Variants in ANKRD28 observed in about 807,000 individuals in gnomAD.
ANKRD28 encodes the protein serine/threonine-protein phosphatase 6 regulatory ankyrin repeat subunit A.
In ANKRD28, 44 loss-of-function variants were observed where a neutral mutation model predicts 126.5. The observed-to-expected ratio is 0.35, with a 90% CI of 0.27 to 0.45. ANKRD28 has a LOEUF of 0.45. Among genes scored for constraint, ANKRD28 ranks in the 20% least tolerant of loss-of-function variants. ANKRD28 has a pLI of 1.00. For missense variants in ANKRD28, 1,110 were observed against 1,316.6 expected, an observed-to-expected ratio of 0.84 and a Z score of 2.43; for synonymous variants, 442 against 468.5, an observed-to-expected ratio of 0.94 and a Z score of 0.73.
intron 4 of ANKRD28, among the ~76,000 whole-genome samples, chr3:15,746,611 T>TGGC (rs2057492735): frequency 6.6e-6 from 1 of 152,332 alleles, no homozygotes; most frequent in East Asian, 1.9e-4. Flanking sequence ...TGGATTTGGT[T>TGGC]TGCCAGTATT....
At chr3:15,744,331 T>A (rs1489742846) in intron 4 of ANKRD28, among the ~76,000 whole-genome samples, 1 of 152,196 alleles carries the variant, frequency 6.6e-6, no homozygotes, top group Non-Finnish European at 1.5e-5. Flanking sequence ...CTTTTTTTTT[T>A]AGATAGAGTT....
upstream of ANKRD28, among the ~76,000 whole-genome samples, chr3:15,800,200 T>C (rs192215699): frequency 6.6e-6 from 1 of 152,132 alleles, no homozygotes; most frequent in Admixed American, 6.5e-5. Flanking sequence ...GACACTTATA[T>C]AAGAAAAAAA....
chr3:15,773,645 G>C (rs961454835), intron 2 of ANKRD28, among the ~76,000 whole-genome samples: 1 of 152,008 alleles, frequency 6.6e-6, no homozygotes, highest in Non-Finnish European at 1.5e-5. Context: ...TTCAAGATTT[G>C]TATGCTGAAA....
chr3:15,856,832 A>G (rs918519384), intron 1 of ANKRD28, among the ~76,000 whole-genome samples: 3 of 152,250 alleles, frequency 2.0e-5, no homozygotes, highest in African/African-American at 7.2e-5. Context: ...GCTTATATGT[A>G]TTAAACTGTA....
intron 1 of ANKRD28, among the ~76,000 whole-genome samples, chr3:15,835,942 A>G (rs985428370): frequency 6.6e-6 from 1 of 152,226 alleles, no homozygotes; most frequent in Non-Finnish European, 1.5e-5. Flanking sequence ...AAGGCTGTAT[A>G]AATATAACTT....
chr3:15,799,092 G>A (rs1022123240), upstream of ANKRD28, among the ~76,000 whole-genome samples: 1 of 151,982 alleles, frequency 6.6e-6, no homozygotes, highest in Admixed American at 6.6e-5. Flanking sequence ...AATCTATTCT[G>A]CTATCACTGA....
At position 15,814,098 on chromosome 3, in the gene ANKRD28, G is replaced by A; in HGVS notation, c.28-18792C>T. 9.0e-6 allele frequency: 2 copies of A among 221,296 alleles called. No individual in the cohort carries two copies. The highest frequency in any genetic ancestry group is 1.7e-5 in the Non-Finnish European group (2 of 119,946). 13.7% of individuals were successfully genotyped at this position (221,296 alleles called of 1,614,324 possible). ...CTACTATAAATGTTTCTACAATAAA[G>A]GACTTTTTGGCTGACACTAACTATT... is the stretch of plus-strand genomic sequence containing the variant. On this transcript the variant is annotated intron_variant, in intron 1 of 27. Coordinates refer to the ANKRD28 transcript ENST00000399451. This position sits in a 1 kb window ranked among gnomAD's most constrained non-coding sequence, Gnocchi z 4.7.
chr3:15,742,495 G>A (rs1210839994), intron 4 of ANKRD28, among the ~76,000 whole-genome samples: 2 of 137,980 alleles, frequency 1.4e-5, no homozygotes, highest in Admixed American at 7.1e-5. Flanking sequence ...GAGACCCTCC[G>A]CCTGGCAACC....
intron 9 of ANKRD28, 131 bp from the exon 10 acceptor site, chr3:15,713,772 C>G: frequency 2.0e-6 from 1 of 498,642 alleles, no homozygotes; most frequent in Non-Finnish European, 3.5e-6. Flanking sequence ...AGATTTCATT[C>G]ATAGCTCATT....
intron 3 of ANKRD28, among the ~76,000 whole-genome samples, chr3:15,753,594 A>G (rs2057990872): frequency 6.6e-6 from 1 of 152,232 alleles, no homozygotes; most frequent in Admixed American, 6.5e-5. Flanking sequence ...ACAAAGGTAA[A>G]TAAGAAATGA....
rs1186309538 is a variant in ANKRD28 at position 15,797,516 on chromosome 3, G to T, written c.-995C>A. On this transcript the variant is annotated 5_prime_UTR_variant, in exon 1 of 28. Transcript: ENST00000683139. ...AAGCAGGCTGTGAAGGAATTAGAAGGCATTTGAGCTCAAATTACTGCTTCA... is the reference window on the plus strand; with the variant it reads ...AAGCAGGCTGTGAAGGAATTAGAAGTCATTTGAGCTCAAATTACTGCTTCA... 1 of 984,780 alleles carries T rather than the reference G, an allele frequency of 1.0e-6. No homozygotes were observed. 61.0% of individuals were successfully genotyped at this position (984,780 alleles called of 1,614,324 possible).
At chr3:15,801,417 T>G (rs542917709), upstream of ANKRD28, among the ~76,000 whole-genome samples, 4 of 152,142 alleles carry the variant, frequency 2.6e-5, no homozygotes, top group African/African-American at 9.7e-5. The surrounding 1 kb of genome is among the most constrained non-coding windows in gnomAD (Gnocchi z 4.9). Flanking sequence ...CGTATTATCA[T>G]AGAATAGAAT....
intron 5 of ANKRD28, among the ~76,000 whole-genome samples, chr3:15,736,471 C>T (rs1334316302): frequency 6.6e-6 from 1 of 152,142 alleles, no homozygotes; most frequent in East Asian, 1.9e-4. Flanking sequence ...GTTCCTACCC[C>T]TGCAACAAAA....
chr3:15,740,612 C>T (rs112415971), intron 4 of ANKRD28, among the ~76,000 whole-genome samples: 3 of 152,234 alleles, frequency 2.0e-5, no homozygotes, highest in African/African-American at 7.2e-5. Context: ...TGGGCAAACA[C>T]AGAATACTAG....
chr3:15,733,292 A>C, intron 6 of ANKRD28: 1 of 152,290 alleles, frequency 6.6e-6, no homozygotes, highest in East Asian at 1.9e-4. Context: ...TTTTCGAAGG[A>C]GAAATACTGT....
At position 15,853,618 on chromosome 3, in the gene ANKRD28, C is replaced by T. The variant is rs1487561184; in HGVS notation, c.27+5759G>A. Among the ~76,000 whole-genome samples, 18 of 151,926 alleles carry T rather than the reference C, an allele frequency of 1.2e-4. No individual in the cohort carries two copies. The highest frequency in any genetic ancestry group is 2.7e-4 in the African/African-American group (11 of 41,346). ...TCGAGTAGCTGGGACTACAGGCGCC[C>T]GCCACCACGCCTGGCTAATTTTTTG... On this transcript the variant is annotated intron_variant, in intron 1 of 27. Coordinates refer to the ANKRD28 transcript ENST00000399451. The surrounding 1 kb of genome is among the most constrained non-coding windows in gnomAD (Gnocchi z 4.2).
intron 17 of ANKRD28, among the ~76,000 whole-genome samples, chr3:15,694,053 C>G (rs901261845): frequency 4.6e-5 from 7 of 151,978 alleles, no homozygotes; most frequent in African/African-American, 1.7e-4. Context: ...TCTCAAAGTA[C>G]CCCCTTCCCT....
At chr3:15,850,490 C>T (rs922530217) in intron 1 of ANKRD28, among the ~76,000 whole-genome samples, 1 of 151,912 alleles carries the variant, frequency 6.6e-6, no homozygotes, top group African/African-American at 2.4e-5. Flanking sequence ...AGGGGAAGTC[C>T]TTCCTTGCCT....
intron 6 of ANKRD28, among the ~76,000 whole-genome samples, chr3:15,730,242 A>G (rs796777520): frequency 3.3e-5 from 5 of 152,322 alleles, no homozygotes; most frequent in African/African-American, 9.6e-5. Context: ...GAATATTTCT[A>G]AAAGTACTGA....
Sources: allele counts gnomAD v4.1 joint callset (sites outside exome capture counted in the v4.1 genomes callset), GRCh38; gene constraint gnomAD v4.1.1; non-coding constraint Gnocchi (gnomAD v3.1); transcripts MANE v1.5; gene names NCBI Gene and HGNC (gene_info 2026-07-23, HGNC 2026-07-21).